Variants in DLGAP2 observed in about 807,000 individuals in gnomAD.
DLGAP2 encodes the protein DLG associated protein 2.
In DLGAP2, 26 loss-of-function variants were observed where a neutral mutation model predicts 100.3. The ratio of observed to expected loss-of-function variants is 0.26; its 90% CI spans 0.19 to 0.36. DLGAP2 has a LOEUF of 0.36. Among genes scored for constraint, DLGAP2 ranks in the 10% least tolerant of loss-of-function variants. The pLI is 1.00. For synonymous variants in DLGAP2, 886 were observed against 630.1 expected (o/e 1.41, Z -6.08); for missense variants, 1,858 against 1,453.2 (o/e 1.28, Z -4.53).
chr8:1,070,535 C>G (rs745970366), intron 2 of DLGAP2, among the ~76,000 whole-genome samples: 1 of 152,178 alleles, frequency 6.6e-6, no homozygotes, highest in Non-Finnish European at 1.5e-5. Flanking sequence ...AAATATCTCA[C>G]AGGTGAGGGG....
At chr8:1,574,446 A>T (rs1317773005) in intron 6 of DLGAP2, among the ~76,000 whole-genome samples, 4 of 151,838 alleles carry the variant, frequency 2.6e-5, no homozygotes, top group African/African-American at 9.7e-5. Context: ...CCGGAAGTCA[A>T]CTCTAGGTCT....
chr8:1,373,439 G>A (rs1182853395), intron 3 of DLGAP2, among the ~76,000 whole-genome samples: 3 of 152,184 alleles, frequency 2.0e-5, no homozygotes, highest in African/African-American at 7.2e-5. Context: ...CGGGGGGCCG[G>A]ACAGAGAGCC....
At chr8:1,493,819 C>T (rs565868468) in intron 3 of DLGAP2, among the ~76,000 whole-genome samples, 3 of 152,314 alleles carry the variant, frequency 2.0e-5, no homozygotes, top group South Asian at 2.1e-4. Context: ...GGGGTGGACG[C>T]GGCACGACCC....
chr8:1,430,014 AT>A (rs1298887306), intron 3 of DLGAP2, among the ~76,000 whole-genome samples: 2 of 88,936 alleles, frequency 2.2e-5, no homozygotes, highest in African/African-American at 9.2e-5. Flanking sequence ...ATACATATAT[AT>A]ATATATATAT....
rs1018974875 is a variant in DLGAP2, at chr8:1,490,292, C to T, written c.107-11074C>T. The stretch of plus-strand genomic sequence containing the variant: ...AGCAATAATTAGAGCTGTGATTGCT[C>T]CTGCCACATCGAAGCACCTTACGTG... On this transcript the variant is annotated intron_variant, in intron 3 of 14. Transcript: ENST00000637795. Among the ~76,000 whole-genome samples the T allele has an allele frequency of 3.3e-5, 5 of 152,188 alleles. No homozygotes were observed. In the South Asian group the frequency reaches 6.2e-4, roughly 19 times the overall value.
At chr8:1,296,180 T>C (rs1003448781) in intron 3 of DLGAP2, 9 of 152,108 alleles carry the variant, frequency 5.9e-5, no homozygotes, top group Non-Finnish European at 8.8e-5. Flanking sequence ...TGACTCCCTT[T>C]CGTGGCGCAG....
At chr8:748,222 G>GC (rs1820698776) in intron 1 of DLGAP2, among the ~76,000 whole-genome samples, 1 of 105,296 alleles carries the variant, frequency 9.5e-6, no homozygotes, top group African/African-American at 4.5e-5. Context: ...GGATGAGCGG[G>GC]TCTGCGGTGG....
chr8:1,235,229 ATGTCTAGTTCTCTCACACATGGCGTCG>A (rs1563270075), intron 2 of DLGAP2, among the ~76,000 whole-genome samples: 1 of 91,580 alleles, frequency 1.1e-5, no homozygotes, highest in Non-Finnish European at 2.2e-5. Context: ...CACACATGGC[ATGTCTAGTTCTCTCACACATGGCGTCG>A]TGTCTAGTTC....
chr8:1,601,720 G>A (rs918862517), intron 6 of DLGAP2, among the ~76,000 whole-genome samples: 49 of 152,240 alleles, frequency 3.2e-4, no homozygotes, highest in African/African-American at 8.4e-4. Context: ...TGGTCTGCTC[G>A]TTCACCACTC....
intron 2 of DLGAP2, among the ~76,000 whole-genome samples, chr8:1,066,262 GAGCGA>G (rs1803246232): frequency 6.6e-6 from 1 of 150,862 alleles, no homozygotes; most frequent in African/African-American, 2.4e-5. Context: ...GGTCAGGTCT[GAGCGA>G]GGACAGCTCC....
At chr8:864,219 G>T (rs1797447775) in intron 1 of DLGAP2, among the ~76,000 whole-genome samples, 1 of 152,186 alleles carries the variant, frequency 6.6e-6, no homozygotes, top group African/African-American at 2.4e-5. Flanking sequence ...CAGGAAATGA[G>T]TTAGCAGGTG....
intron 1 of DLGAP2, among the ~76,000 whole-genome samples, chr8:762,330 T>C (rs1821108704): frequency 6.6e-6 from 1 of 152,158 alleles, no homozygotes; most frequent in Non-Finnish European, 1.5e-5. Context: ...GGTCACAGGG[T>C]GTTTTAAAAT....
chr8:1,265,865 G>T (rs1799439878), intron 3 of DLGAP2, among the ~76,000 whole-genome samples: 1 of 152,106 alleles, frequency 6.6e-6, no homozygotes, highest in Non-Finnish European at 1.5e-5. Context: ...GGTAGGGGAG[G>T]GGAGAGAAAA....
intron 2 of DLGAP2, among the ~76,000 whole-genome samples, chr8:1,162,755 C>T (rs1005853381): frequency 1.3e-4 from 20 of 152,166 alleles, no homozygotes; most frequent in African/African-American, 3.4e-4. Flanking sequence ...AGGCTGTGTC[C>T]GTTGTCTGTA....
chr8:1,027,530 G>A (rs1410215649), intron 2 of DLGAP2, among the ~76,000 whole-genome samples: 7 of 149,990 alleles, frequency 4.7e-5, no homozygotes. Flanking sequence ...CAGGTAGGGT[G>A]CTCGGTGCCC....
intron 1 of DLGAP2, among the ~76,000 whole-genome samples, chr8:770,873 C>T (rs77593549): frequency 2.0e-5 from 3 of 147,848 alleles, no homozygotes; most frequent in Admixed American, 6.8e-5. Context: ...AATTATGCCT[C>T]TTTTTTTTTT....
intron 3 of DLGAP2, among the ~76,000 whole-genome samples, chr8:1,335,324 T>G (rs1248295803): frequency 6.6e-6 from 1 of 152,174 alleles, no homozygotes; most frequent in Non-Finnish European, 1.5e-5. Context: ...CTGGTCACTG[T>G]GGACAACGAA....
intron 2 of DLGAP2, among the ~76,000 whole-genome samples, chr8:1,185,222 T>C (rs1183297743): frequency 1.3e-5 from 2 of 152,008 alleles, no homozygotes; most frequent in Non-Finnish European, 2.9e-5. Flanking sequence ...AGAAAGGTGG[T>C]TTTCCTGTAT....
intron 2 of DLGAP2, among the ~76,000 whole-genome samples, chr8:1,043,801 G>T (rs1322985173): frequency 6.6e-6 from 1 of 152,052 alleles, no homozygotes; most frequent in African/African-American, 2.4e-5. Flanking sequence ...GGGCTCTCAG[G>T]GGTGGGCAAT....
Sources: gnomAD v4.1 joint callset for allele counts (sites outside exome capture counted in the v4.1 genomes callset) on GRCh38, gnomAD v4.1.1 for gene constraint, MANE v1.5 for transcripts, NCBI Gene and HGNC (gene_info 2026-07-23, HGNC 2026-07-21) for gene names.